The following NRP2 variants were observed in gnomAD, a reference collection of about 807,000 sequenced individuals.
NRP2 encodes the protein neuropilin 2.
In NRP2, 52 loss-of-function variants were observed where a neutral mutation model predicts 110.4. The ratio of observed to expected loss-of-function variants is 0.47; its 90% CI spans 0.38 to 0.59. NRP2 has a LOEUF of 0.59. Among genes scored for constraint, NRP2 ranks in the 20% least tolerant of loss-of-function variants. NRP2 has a pLI of 0.00. For synonymous variants in NRP2, 508 were observed against 468.9 expected (o/e 1.08, Z -1.08); for missense variants, 1,049 against 1,203.0 (o/e 0.87, Z 1.89).
intron 12 of NRP2, among the ~76,000 whole-genome samples, chr2:205,754,332 C>A (rs986867100): frequency 6.6e-6 from 1 of 152,190 alleles, no homozygotes; most frequent in African/African-American, 2.4e-5. Context: ...GGCAGTGGGA[C>A]AGATGCTAGG....
At chr2:205,711,833 A>G (rs191419469) in intron 2 of NRP2, among the ~76,000 whole-genome samples, 125 of 152,316 alleles carry the variant, frequency 8.2e-4, no homozygotes, top group Non-Finnish European at 1.3e-3. Flanking sequence ...GTGCCCTGAG[A>G]GAAGGACCTA....
intron 1 of NRP2, among the ~76,000 whole-genome samples, chr2:205,693,447 A>G (rs1238750596): frequency 6.6e-6 from 1 of 151,454 alleles, no homozygotes; most frequent in Non-Finnish European, 1.5e-5. Context: ...GCTTCTGGCT[A>G]CCTCCCTCCC....
intron 12 of NRP2, among the ~76,000 whole-genome samples, chr2:205,756,034 T>C (rs192205634): frequency 9.2e-5 from 14 of 152,304 alleles, no homozygotes; most frequent in South Asian, 4.1e-4. Context: ...TTCCTTTTCC[T>C]TTTAAGTAAG....
intron 2 of NRP2, among the ~76,000 whole-genome samples, chr2:205,700,135 G>A (rs2056521668): frequency 6.6e-6 from 1 of 152,190 alleles, no homozygotes; most frequent in African/African-American, 2.4e-5. Flanking sequence ...TCTTGTGAAA[G>A]GAACAATTAA....
chr2:205,786,695 AC>A (rs2058239547), intron 15 of NRP2, among the ~76,000 whole-genome samples: 1 of 152,220 alleles, frequency 6.6e-6, no homozygotes, highest in African/African-American at 2.4e-5. Flanking sequence ...ATGTGCTAAG[AC>A]TGGCTTTCCA....
intron 2 of NRP2, among the ~76,000 whole-genome samples, chr2:205,702,233 C>G (rs2056576236): frequency 6.6e-6 from 1 of 152,200 alleles, no homozygotes. Context: ...CCCATTCTGA[C>G]TTGTTTTTGC....
At chr2:205,783,335 T>C (rs550766697) in intron 15 of NRP2, among the ~76,000 whole-genome samples, 1 of 152,326 alleles carries the variant, frequency 6.6e-6, no homozygotes, top group South Asian at 2.1e-4. Context: ...CAGAGTCCTG[T>C]TCTCCATGAT....
At chr2:205,733,071 C>G (rs1043524265) in intron 7 of NRP2, among the ~76,000 whole-genome samples, 1 of 152,144 alleles carries the variant, frequency 6.6e-6, no homozygotes, top group African/African-American at 2.4e-5. Context: ...ATCTGACCCT[C>G]TCAATTATAA....
intron 2 of NRP2, chr2:205,701,576 G>C (rs1447146925): frequency 6.6e-6 from 1 of 151,884 alleles, no homozygotes; most frequent in Non-Finnish European, 1.5e-5. Flanking sequence ...TTCTAGATGG[G>C]TACCTTGATG....
In NRP2 at chr2:205,725,897, C is replaced by A. The variant is rs750219379; in HGVS notation, c.821-16C>A. ...GTTGGAAGGCCTAACTGCATTTGACCGTCTGCTTTCCCCAGACTTTCAGTG... is the reference window on the plus strand; with the variant it reads ...GTTGGAAGGCCTAACTGCATTTGACAGTCTGCTTTCCCCAGACTTTCAGTG... On this transcript the variant is annotated splice_polypyrimidine_tract_variant and intron_variant, in intron 5 of 16. Transcript: ENST00000357785. This position sits in a 1 kb window ranked among gnomAD's most constrained non-coding sequence, Gnocchi z 4.1. 6.2e-7 allele frequency: 1 copy of A among 1,613,574 alleles called. No individual in the cohort carries two copies. Among genetic ancestry groups the A allele is most frequent in the Non-Finnish European group, 8.5e-7 (1 of 1,179,896 alleles).
At chr2:205,765,857 C>T (rs1019942153) in intron 14 of NRP2, among the ~76,000 whole-genome samples, 1 of 152,150 alleles carries the variant, frequency 6.6e-6, no homozygotes, top group African/African-American at 2.4e-5. Flanking sequence ...CAAACCCCAG[C>T]TTTTAGCAAA....
intron 1 of NRP2, among the ~76,000 whole-genome samples, chr2:205,684,066 G>C (rs1030753020): frequency 6.6e-6 from 1 of 152,152 alleles, no homozygotes; most frequent in African/African-American, 2.4e-5. Context: ...GGCCCTCGAA[G>C]GTCTCTCACT....
At chr2:205,703,665 T>C (rs1360668910) in intron 2 of NRP2, among the ~76,000 whole-genome samples, 4 of 152,156 alleles carry the variant, frequency 2.6e-5, no homozygotes, top group Non-Finnish European at 5.9e-5. Context: ...GAAGGCTCCC[T>C]GGAGGAGGTG....
At chr2:205,774,361 T>G (rs1180419089) in intron 15 of NRP2, among the ~76,000 whole-genome samples, 1 of 152,114 alleles carries the variant, frequency 6.6e-6, no homozygotes, top group Non-Finnish European at 1.5e-5. Context: ...CAGAATTAGT[T>G]TGGGGACAAA....
intron 1 of NRP2, among the ~76,000 whole-genome samples, chr2:205,685,468 C>T (rs1175499175): frequency 6.6e-6 from 1 of 152,192 alleles, no homozygotes; most frequent in Non-Finnish European, 1.5e-5. Flanking sequence ...CTGGTTCAGC[C>T]GCCGCCGCCG....
At chr2:205,788,740 C>T (rs571597640) in intron 15 of NRP2, among the ~76,000 whole-genome samples, 3 of 152,258 alleles carry the variant, frequency 2.0e-5, no homozygotes, top group Non-Finnish European at 2.9e-5. Context: ...GAGTCCTCTC[C>T]GCAATGCCTC....
chr2:205,723,740 T>A, intron 4 of NRP2, 45 bp from the exon 5 acceptor site: 1 of 1,609,194 alleles, frequency 6.2e-7, no homozygotes, highest in Non-Finnish European at 8.5e-7. Flanking sequence ...AAACCAAGTT[T>A]GACATTTTGA....
At chr2:205,764,156 ATCT>A (rs2057872387) in intron 13 of NRP2, 3 of 618,196 alleles carry the variant, frequency 4.9e-6, no homozygotes, top group African/African-American at 3.7e-5. Flanking sequence ...TATTGCTGAA[ATCT>A]TCTCCAACAA....
chr2:205,716,464 G>A, intron 3 of NRP2, 90 bp downstream of exon 3: 2 of 1,347,926 alleles, frequency 1.5e-6, no homozygotes, highest in Non-Finnish European at 2.1e-6. Flanking sequence ...CTGGGTAAGG[G>A]TGACAGTGTC....
Sources: allele counts gnomAD v4.1 joint callset (sites outside exome capture counted in the v4.1 genomes callset), GRCh38; gene constraint gnomAD v4.1.1; non-coding constraint Gnocchi (gnomAD v3.1); transcripts MANE v1.5; gene names NCBI Gene and HGNC (gene_info 2026-07-23, HGNC 2026-07-21).